The following TBC1D5 variants were observed in gnomAD, a reference collection of about 807,000 sequenced individuals.
TBC1D5 encodes TBC1 domain family member 5.
A neutral mutation model predicts 100.3 loss-of-function variants in TBC1D5; 75 were observed. That is an observed-to-expected ratio of 0.75 (90% CI 0.62 to 0.91). TBC1D5 has a LOEUF of 0.91. Among genes scored for constraint, TBC1D5 ranks in the 40% least tolerant of loss-of-function variants. The probability of loss-of-function intolerance (pLI) is 0.00; values close to 1 mark genes in which losing one functional copy is unlikely to be tolerated. For missense variants in TBC1D5, 910 were observed against 942.4 expected (o/e 0.97, Z 0.45); for synonymous variants, 323 against 325.6 (o/e 0.99, Z 0.09).
At chr3:17,334,221 G>A (rs935155109) in intron 13 of TBC1D5, among the ~76,000 whole-genome samples, 1 of 152,092 alleles carries the variant, frequency 6.6e-6, no homozygotes, top group East Asian at 1.9e-4. Flanking sequence ...GCAGAGTAGA[G>A]ACAGATACTA....
At position 17,699,070 on chromosome 3, in the gene TBC1D5, G is replaced by C. The variant is rs563177995; in HGVS notation, c.-101+40273C>G. Among the ~76,000 whole-genome samples, 14 of 151,582 alleles carry C rather than the reference G, an allele frequency of 9.2e-5. 1 individual carries two copies. The South Asian group carries it at 2.9e-3, about 32-fold the overall frequency. The stretch of plus-strand genomic sequence containing the variant: ...ATATGCCCAAAGGACTATAAATCAT[G>C]CTGCTATAAAGACACATGCCCACGT... On this transcript the variant is annotated intron_variant, in intron 1 of 21. Coordinates refer to ENST00000253692, the Ensembl canonical transcript of TBC1D5.
chr3:17,674,840 G>A (rs918741542), intron 1 of TBC1D5, among the ~76,000 whole-genome samples: 1 of 151,938 alleles, frequency 6.6e-6, no homozygotes, highest in African/African-American at 2.4e-5. Context: ...AAGGTCACAA[G>A]GTGGGGAAAA....
At chr3:17,332,957 G>A (rs1031063254) in intron 13 of TBC1D5, among the ~76,000 whole-genome samples, 1 of 152,172 alleles carries the variant, frequency 6.6e-6, no homozygotes, top group East Asian at 1.9e-4. Flanking sequence ...GGTAAGAAAT[G>A]GAAAATAGCT....
chr3:17,287,219 T>C (rs1392981941), intron 15 of TBC1D5, among the ~76,000 whole-genome samples: 1 of 152,148 alleles, frequency 6.6e-6, no homozygotes, highest in African/African-American at 2.4e-5. Flanking sequence ...TTAGAGTCAG[T>C]GTGGTGAACT....
exon 22 of TBC1D5, chr3:17,159,428 T>C (rs186840251): frequency 6.6e-6 from 1 of 152,232 alleles, no homozygotes; most frequent in African/African-American, 2.4e-5. Context: ...TTTGTTACCA[T>C]GAAGGCCTCC....
At chr3:17,657,903 G>C (rs2066247293) in intron 1 of TBC1D5, among the ~76,000 whole-genome samples, 1 of 152,170 alleles carries the variant, frequency 6.6e-6, no homozygotes, top group Non-Finnish European at 1.5e-5. Flanking sequence ...CATAAATACA[G>C]TCATGTGCTG....
intron 3 of TBC1D5, among the ~76,000 whole-genome samples, chr3:17,483,432 A>G (rs2095523533): frequency 6.6e-6 from 1 of 152,210 alleles, no homozygotes; most frequent in South Asian, 2.1e-4. Context: ...AATGGCTCAA[A>G]TCAATTACTT....
chr3:17,507,465 T>C (rs917180144), intron 3 of TBC1D5, among the ~76,000 whole-genome samples: 2 of 152,130 alleles, frequency 1.3e-5, no homozygotes, highest in African/African-American at 4.8e-5. Context: ...ACAAAAAGCA[T>C]AAAAATTCTG....
chr3:17,479,396 C>T (rs7628126), intron 3 of TBC1D5, among the ~76,000 whole-genome samples: 11,646 of 152,140 alleles, frequency 0.077, 902 homozygotes, highest in African/African-American at 0.2. Context: ...GACACCCCAT[C>T]TCAGAAAAAA....
intron 13 of TBC1D5, among the ~76,000 whole-genome samples, chr3:17,341,691 T>G (rs1219343836): frequency 6.6e-6 from 1 of 152,130 alleles, no homozygotes; most frequent in East Asian, 1.9e-4. Context: ...TAGTAACACT[T>G]TTAGACTACT....
intron 4 of TBC1D5, among the ~76,000 whole-genome samples, chr3:17,423,263 T>C (rs1185373302): frequency 6.6e-6 from 1 of 152,080 alleles, no homozygotes; most frequent in Non-Finnish European, 1.5e-5. Context: ...TTTTCAAATA[T>C]GAAATACAAT....
At chr3:17,617,458 G>A (rs752090104) in intron 2 of TBC1D5, among the ~76,000 whole-genome samples, 63 of 152,192 alleles carry the variant, frequency 4.1e-4, no homozygotes, top group Admixed American at 2.0e-3. Context: ...CTAGGTTGGG[G>A]AAGTTCTCCT....
intron 2 of TBC1D5, among the ~76,000 whole-genome samples, chr3:17,537,135 A>T (rs1195441185): frequency 6.6e-6 from 1 of 152,216 alleles, no homozygotes; most frequent in East Asian, 1.9e-4. Flanking sequence ...TGTCAATGAA[A>T]TAAATTTTTA....
chr3:17,343,135 C>G (rs377373190), intron 13 of TBC1D5, among the ~76,000 whole-genome samples: 1 of 150,610 alleles, frequency 6.6e-6, no homozygotes, highest in Admixed American at 6.6e-5. Flanking sequence ...TTTGGAGATA[C>G]GTCCCATCAA....
intron 1 of TBC1D5, among the ~76,000 whole-genome samples, chr3:17,657,473 A>G (rs1338840312): frequency 6.6e-6 from 1 of 151,550 alleles, no homozygotes; most frequent in East Asian, 1.9e-4. Flanking sequence ...AGTAGCTGGG[A>G]CTAGAGGCAT....
intron 2 of TBC1D5, among the ~76,000 whole-genome samples, chr3:17,535,153 T>C (rs1673676699): frequency 6.6e-6 from 1 of 152,156 alleles, no homozygotes; most frequent in South Asian, 2.1e-4. Context: ...GCTTAGAACA[T>C]GTGTATAGTG....
At chr3:17,710,668 G>A (rs1335794045) in intron 1 of TBC1D5, among the ~76,000 whole-genome samples, 1 of 151,804 alleles carries the variant, frequency 6.6e-6, no homozygotes, top group Admixed American at 6.6e-5. Flanking sequence ...GGTGAAGATT[G>A]TTTTCATTTA....
intron 19 of TBC1D5, among the ~76,000 whole-genome samples, chr3:17,174,951 C>T (rs1015334365): frequency 1.3e-5 from 2 of 152,136 alleles, no homozygotes; most frequent in East Asian, 3.9e-4. Flanking sequence ...GAGGCAAGGG[C>T]TTTCCTGCTA....
chr3:17,358,774 C>T (rs746237979), intron 13 of TBC1D5, among the ~76,000 whole-genome samples: 7 of 152,036 alleles, frequency 4.6e-5, no homozygotes, highest in African/African-American at 9.6e-5. Context: ...TTAAAAAATT[C>T]GAGTATTTTT....
Sources: allele counts gnomAD v4.1 joint callset (sites outside exome capture counted in the v4.1 genomes callset), GRCh38; gene constraint gnomAD v4.1.1; transcripts MANE v1.5; gene names NCBI Gene and HGNC (gene_info 2026-07-23, HGNC 2026-07-21).